ZFAND3: variants seen among roughly 807,000 people sequenced by gnomAD.
ZFAND3 encodes zinc finger AN1-type containing 3, also known as AN1-type zinc finger protein 3.
In ZFAND3, 10 loss-of-function variants were observed where a neutral mutation model predicts 29.6. The observed-to-expected ratio is 0.34, with a 90% CI of 0.21 to 0.57. ZFAND3 has a LOEUF of 0.57. Ranked by LOEUF, ZFAND3 falls within the 20% of genes least tolerant of loss-of-function variation. The pLI, the probability that ZFAND3 is intolerant of heterozygous loss-of-function variation, is 0.86. For synonymous variants in ZFAND3, 128 were observed against 112.6 expected (o/e 1.14, Z -0.87); for missense variants, 230 against 304.5 (o/e 0.76, Z 1.82).
In ZFAND3 at chr6:38,153,498, C is replaced by A. The variant is rs73734315; in HGVS notation, c.*1109C>A. The A allele has an allele frequency of 1.4e-3, 1,349 of 985,618 alleles. 15 individuals carry two copies. The African/African-American group carries it at 0.019, about 14-fold the overall frequency. 61.1% of individuals were successfully genotyped at this position (985,618 alleles called of 1,614,324 possible). ...AAGTTTAGTAAGGGAAGGCAGCATACGTCCCAGGGACAGTGGGTTTGGATC... is the reference window on the plus strand; with the variant it reads ...AAGTTTAGTAAGGGAAGGCAGCATAAGTCCCAGGGACAGTGGGTTTGGATC... On this transcript the variant is annotated 3_prime_UTR_variant, in exon 6 of 6. Transcript: ENST00000287218.
chr6:38,013,616 C>G (rs571333115), intron 2 of ZFAND3, among the ~76,000 whole-genome samples: 124 of 152,250 alleles, frequency 8.1e-4, no homozygotes, highest in African/African-American at 2.8e-3. Flanking sequence ...TAATCAGTTG[C>G]TTGGCATTGT....
chr6:38,002,812 A>C (rs1394491010), intron 2 of ZFAND3: 1 of 152,254 alleles, frequency 6.6e-6, no homozygotes, highest in African/African-American at 2.4e-5. Flanking sequence ...ATTATCTCCC[A>C]GTAGATGAGA....
At chr6:37,820,449 C>T (rs1368801463) in intron 1 of ZFAND3, among the ~76,000 whole-genome samples, 3 of 152,210 alleles carry the variant, frequency 2.0e-5, no homozygotes, top group Non-Finnish European at 2.9e-5. Flanking sequence ...GACTTCTTCA[C>T]CTCCCCTCCT....
At chr6:38,035,781 A>G (rs576459690) in intron 2 of ZFAND3, among the ~76,000 whole-genome samples, 1 of 152,330 alleles carries the variant, frequency 6.6e-6, no homozygotes, top group Non-Finnish European at 1.5e-5. Context: ...TAGGGTGGGA[A>G]TTTCTAGAAT....
chr6:38,089,246 A>AC, intron 4 of ZFAND3, among the ~76,000 whole-genome samples: 1 of 150,198 alleles, frequency 6.7e-6, no homozygotes, highest in East Asian at 2.0e-4. Context: ...CCTCACCCCC[A>AC]CCCCCCAAGT....
intron 3 of ZFAND3, among the ~76,000 whole-genome samples, chr6:38,069,117 ATTTG>A (rs1561987761): frequency 6.6e-6 from 1 of 152,024 alleles, no homozygotes; most frequent in Non-Finnish European, 1.5e-5. Flanking sequence ...TAAACTTCTG[ATTTG>A]TTTGTTTTTA....
chr6:37,938,802 A>G (rs756580311), intron 2 of ZFAND3, among the ~76,000 whole-genome samples: 1 of 152,240 alleles, frequency 6.6e-6, no homozygotes, highest in Non-Finnish European at 1.5e-5. Flanking sequence ...GTCAAAAATA[A>G]TTGTTGCATT....
intron 1 of ZFAND3, among the ~76,000 whole-genome samples, chr6:37,899,262 G>T (rs1581745304): frequency 6.6e-6 from 1 of 152,076 alleles, no homozygotes; most frequent in African/African-American, 2.4e-5. Context: ...TAATCTTTTT[G>T]ATTCTTATTT....
At chr6:37,953,212 G>C (rs1283450306) in intron 2 of ZFAND3, among the ~76,000 whole-genome samples, 1 of 151,094 alleles carries the variant, frequency 6.6e-6, no homozygotes, top group Non-Finnish European at 1.5e-5. Flanking sequence ...TTCTTTCCCT[G>C]CTGTCTTTTC....
In ZFAND3 at chr6:38,154,379, G is replaced by C. The variant is rs949157033; in HGVS notation, c.*1990G>C. 1.5e-6 allele frequency: 1 copy of C among 679,950 alleles called. No individual in the cohort carries two copies. The highest frequency in any genetic ancestry group is 1.3e-4 in the East Asian group (1 of 7,408). The allele number at this position is 679,950 out of a possible 1,614,324, so 42.1% of individuals were successfully genotyped here. On this transcript the variant is annotated 3_prime_UTR_variant, in exon 6 of 6. Coordinates refer to ENST00000287218, the MANE Select transcript of ZFAND3 (RefSeq NM_021943.3). ...TCGCTTCCTGACTTAGAGCTGGGGGGGGTGGGGGGTGGGGCTTGTTCCCCT... is the reference window on the plus strand; with the variant it reads ...TCGCTTCCTGACTTAGAGCTGGGGGCGGTGGGGGGTGGGGCTTGTTCCCCT...
At chr6:38,063,739 A>G (rs1445632084) in intron 3 of ZFAND3, among the ~76,000 whole-genome samples, 4 of 152,228 alleles carry the variant, frequency 2.6e-5, no homozygotes, top group Admixed American at 6.5e-5. Flanking sequence ...TGGCCAAGAC[A>G]TAGAGGCTAA....
intron 3 of ZFAND3, among the ~76,000 whole-genome samples, chr6:38,080,081 T>A (rs1467303276): frequency 1.3e-5 from 2 of 150,888 alleles, no homozygotes; most frequent in Non-Finnish European, 2.9e-5. Flanking sequence ...CCACATGTTC[T>A]CACTCATAAA....
At chr6:38,088,522 G>A (rs1199948491) in intron 4 of ZFAND3, 1 of 152,224 alleles carries the variant, frequency 6.6e-6, no homozygotes, top group African/African-American at 2.4e-5. Context: ...CTTAAAGAGT[G>A]TAATTGTATT....
intron 1 of ZFAND3, among the ~76,000 whole-genome samples, chr6:37,860,718 C>T (rs1399547666): frequency 1.4e-5 from 2 of 144,436 alleles, no homozygotes; most frequent in Non-Finnish European, 3.0e-5. Flanking sequence ...CTGTTTGTGA[C>T]GGCCACATCA....
At chr6:38,091,744 G>A (rs866341669) in intron 4 of ZFAND3, among the ~76,000 whole-genome samples, 4 of 144,888 alleles carry the variant, frequency 2.8e-5, no homozygotes, top group Admixed American at 7.1e-5. Flanking sequence ...ATAGAACAGC[G>A]CATCAAGCAA....
chr6:38,115,485 A>C (rs943033581), intron 4 of ZFAND3, among the ~76,000 whole-genome samples: 1 of 152,224 alleles, frequency 6.6e-6, no homozygotes, highest in Non-Finnish European at 1.5e-5. Flanking sequence ...TGTGGAGAAT[A>C]GACTGTAGAA....
At chr6:38,148,073 G>T (rs543949969) in intron 5 of ZFAND3, among the ~76,000 whole-genome samples, 36 of 152,232 alleles carry the variant, frequency 2.4e-4, no homozygotes, top group African/African-American at 8.4e-4. Flanking sequence ...TTTTCTTGTA[G>T]TATTCTTACA....
intron 4 of ZFAND3, among the ~76,000 whole-genome samples, chr6:38,105,026 T>C (rs1765179813): frequency 1.3e-5 from 2 of 152,234 alleles, no homozygotes. Flanking sequence ...GGCAGTTCAC[T>C]TAACCAATGC....
intron 2 of ZFAND3, among the ~76,000 whole-genome samples, chr6:37,945,049 A>G (rs1487201653): frequency 6.6e-6 from 1 of 152,142 alleles, no homozygotes; most frequent in Non-Finnish European, 1.5e-5. Context: ...TGCTCCCGGA[A>G]CTGTCTTGGC....
Sources: allele counts gnomAD v4.1 joint callset (sites outside exome capture counted in the v4.1 genomes callset), GRCh38; gene constraint gnomAD v4.1.1; transcripts MANE v1.5; gene names NCBI Gene and HGNC (gene_info 2026-07-23, HGNC 2026-07-21).